The following STPG2 variants were observed in gnomAD, a reference collection of about 807,000 sequenced individuals.
The protein encoded by STPG2 is sperm tail PG-rich repeat containing 2, also known as sperm-tail PG-rich repeat-containing protein 2.
In STPG2, 56 loss-of-function variants were observed where a neutral mutation model predicts 54.2. The ratio of observed to expected loss-of-function variants is 1.03; its 90% CI spans 0.83 to 1.29. STPG2 has a LOEUF of 1.29. Among genes scored for constraint, STPG2 ranks in the 50% most tolerant of loss-of-function variants. The probability of loss-of-function intolerance (pLI) is 0.00; values close to 1 mark genes in which losing one functional copy is unlikely to be tolerated. For missense variants in STPG2, 596 were observed against 544.9 expected (o/e 1.09, Z -0.93); for synonymous variants, 200 against 181.8 (o/e 1.10, Z -0.81).
At chr4:97,604,878 T>C (rs1045146310) in intron 10 of STPG2, among the ~76,000 whole-genome samples, 2 of 151,778 alleles carry the variant, frequency 1.3e-5, no homozygotes, top group Non-Finnish European at 3.0e-5. Flanking sequence ...ATCTGTCTAG[T>C]ATTCTTTAAG....
At chr4:97,872,890 T>C (rs1287308733) in intron 8 of STPG2, among the ~76,000 whole-genome samples, 1 of 151,312 alleles carries the variant, frequency 6.6e-6, no homozygotes, top group African/African-American at 2.4e-5. Context: ...TATTTTCTCA[T>C]GTGTGCTAAT....
intron 8 of STPG2, among the ~76,000 whole-genome samples, chr4:97,866,553 T>A (rs1002075121): frequency 6.6e-5 from 10 of 151,956 alleles, no homozygotes; most frequent in African/African-American, 1.9e-4. Flanking sequence ...TTCTTGGCAC[T>A]CTGAGGGTAT....
intron 7 of STPG2, among the ~76,000 whole-genome samples, chr4:97,958,900 C>T (rs1308114556): frequency 6.6e-6 from 1 of 152,172 alleles, no homozygotes; most frequent in Non-Finnish European, 1.5e-5. Flanking sequence ...GAACATTTTA[C>T]CCAACAATTG....
At chr4:97,967,768 A>G (rs1734164106) in intron 7 of STPG2, among the ~76,000 whole-genome samples, 1 of 152,234 alleles carries the variant, frequency 6.6e-6, no homozygotes, top group African/African-American at 2.4e-5. Flanking sequence ...TACTGGGTAC[A>G]TAACAAAATG....
At chr4:97,559,634 C>T (rs2148872865) in intron 10 of STPG2, among the ~76,000 whole-genome samples, 1 of 152,250 alleles carries the variant, frequency 6.6e-6, no homozygotes, top group African/African-American at 2.4e-5. Context: ...ACTTCACTGA[C>T]CTTTGTCCTA....
intron 9 of STPG2, among the ~76,000 whole-genome samples, chr4:97,738,376 G>A (rs535520145): frequency 4.6e-5 from 7 of 152,204 alleles, no homozygotes; most frequent in Admixed American, 2.6e-4. Context: ...AACTTTAAAC[G>A]TAAATGGACT....
intron 10 of STPG2, among the ~76,000 whole-genome samples, chr4:97,682,226 A>G (rs1379727179): frequency 1.3e-5 from 2 of 151,830 alleles, no homozygotes; most frequent in Admixed American, 1.3e-4. Flanking sequence ...AAAAGAACAC[A>G]GCCAAGAGAG....
At chr4:97,472,421 CA>C (rs1393923640) in intron 4 of STPG2, among the ~76,000 whole-genome samples, 1 of 152,098 alleles carries the variant, frequency 6.6e-6, no homozygotes, top group Non-Finnish European at 1.5e-5. Flanking sequence ...GTGCTTTCAG[CA>C]GGGAAAGGGG....
At position 97,450,937 on chromosome 4, in the gene STPG2, T is replaced by A. The variant is rs961081110; in HGVS notation, c.462+261762A>T. Among the ~76,000 whole-genome samples, 6 of 152,308 alleles carry A rather than the reference T, an allele frequency of 3.9e-5. No individual in the cohort carries two copies. The South Asian group carries it at 1.2e-3, about 32-fold the overall frequency. On this transcript the variant is annotated intron_variant, in intron 4 of 4. Transcript: ENST00000522676. ...AATTTCAAAGGGAATTATTAATATT[T>A]ATTTACATATATTTTTAAATAAGAA...
chr4:97,736,505 C>G (rs976445499), intron 9 of STPG2, among the ~76,000 whole-genome samples: 5 of 152,146 alleles, frequency 3.3e-5, no homozygotes, highest in African/African-American at 1.2e-4. Context: ...CACTCCCACC[C>G]CATTACTGCG....
In STPG2 at chr4:97,870,928, C is replaced by T. The variant is rs192952991; in HGVS notation, c.1045-29996G>A. On this transcript the variant is annotated intron_variant, in intron 8 of 10. Coordinates refer to ENST00000295268, the MANE Select transcript of STPG2 (RefSeq NM_174952.3). ...ACATTTTATGTCACAAAGAATGTGCCTACAGTAAGGTACATAAAATAGAAA... is the reference window on the plus strand; with the variant it reads ...ACATTTTATGTCACAAAGAATGTGCTTACAGTAAGGTACATAAAATAGAAA... 4.2e-3 allele frequency among the ~76,000 whole-genome samples: 638 copies of T among 151,102 alleles called. 3 individuals carry two copies. Among genetic ancestry groups the T allele is most frequent in the South Asian group, 0.024 (117 of 4,812 alleles).
At chr4:97,528,296 G>A (rs1003866046) in intron 4 of STPG2, among the ~76,000 whole-genome samples, 3 of 152,116 alleles carry the variant, frequency 2.0e-5, no homozygotes, top group Non-Finnish European at 4.4e-5. Flanking sequence ...GTTTGTCAAA[G>A]ATCAGTTGGT....
intron 9 of STPG2, among the ~76,000 whole-genome samples, chr4:97,837,509 C>A (rs1182616634): frequency 6.6e-6 from 1 of 151,666 alleles, no homozygotes; most frequent in African/African-American, 2.4e-5. Flanking sequence ...GGATCAATCA[C>A]AAAATCAATT....
intron 8 of STPG2, among the ~76,000 whole-genome samples, chr4:97,865,986 A>T (rs1014194550): frequency 6.6e-6 from 1 of 152,022 alleles, no homozygotes; most frequent in East Asian, 1.9e-4. Flanking sequence ...GATAGAAGCC[A>T]GGCACAGAAA....
At chr4:97,772,206 C>A (rs942472071) in intron 9 of STPG2, among the ~76,000 whole-genome samples, 3 of 152,108 alleles carry the variant, frequency 2.0e-5, no homozygotes, top group Non-Finnish European at 4.4e-5. Flanking sequence ...GGATATATGC[C>A]ATTAAGATTT....
At chr4:97,805,705 C>T (rs561184501) in intron 9 of STPG2, among the ~76,000 whole-genome samples, 3 of 151,972 alleles carry the variant, frequency 2.0e-5, no homozygotes, top group African/African-American at 7.2e-5. Context: ...ACTTTTCTCC[C>T]ATTCTGTAGG....
Position 97,972,271 on chromosome 4 carries a change from A to C in STPG2, c.933+9T>G, listed in dbSNP as rs1340093297. On this transcript the variant is annotated intron_variant, in intron 7 of 10. Coordinates refer to ENST00000295268, the MANE Select transcript of STPG2 (RefSeq NM_174952.3). ...CATAAAGAATATTATTTTTGTATGAATGTATTACCTGATAATCAGCAGGTC... is the reference window on the plus strand; with the variant it reads ...CATAAAGAATATTATTTTTGTATGACTGTATTACCTGATAATCAGCAGGTC... 1 of 1,527,746 alleles carries C rather than the reference A, an allele frequency of 6.5e-7. No homozygotes were observed. The allele number at this position is 1,527,746 out of a possible 1,614,324, so 94.6% of individuals were successfully genotyped here.
intron 8 of STPG2, among the ~76,000 whole-genome samples, chr4:97,915,189 T>C (rs1731826783): frequency 6.6e-6 from 1 of 152,148 alleles, no homozygotes; most frequent in Non-Finnish European, 1.5e-5. Context: ...GGAAGTACTG[T>C]GGGAAGTACA....
intron 3 of STPG2, among the ~76,000 whole-genome samples, chr4:98,127,388 T>G (rs1281783655): frequency 6.6e-6 from 1 of 152,214 alleles, no homozygotes. Context: ...CTTCCCAGTG[T>G]AGCTACTGCC....
Sources: allele counts gnomAD v4.1 joint callset (sites outside exome capture counted in the v4.1 genomes callset), GRCh38; gene constraint gnomAD v4.1.1; transcripts MANE v1.5; gene names NCBI Gene and HGNC (gene_info 2026-07-23, HGNC 2026-07-21).